The following CHD1 variants were observed in gnomAD, a reference collection of about 807,000 sequenced individuals.
The protein encoded by CHD1 is ATP-dependent chromatin remodeler CHD1.
CHD1 carries 36 observed loss-of-function variants against 224.2 expected under a neutral mutation model. The ratio of observed to expected loss-of-function variants is 0.16; its 90% CI spans 0.12 to 0.21. CHD1 has a LOEUF of 0.21. Ranked by LOEUF, CHD1 falls within the 10% of genes least tolerant of loss-of-function variation. CHD1 has a pLI of 1.00. For synonymous variants in CHD1, 668 were observed against 658.3 expected, an observed-to-expected ratio of 1.01 and a Z score of -0.23; for missense variants, 1,378 against 1,994.8, an observed-to-expected ratio of 0.69 and a Z score of 5.89.
chr5:98,922,463 C>G (rs1228398046), intron 2 of CHD1, among the ~76,000 whole-genome samples: 6 of 151,982 alleles, frequency 3.9e-5, no homozygotes, highest in Non-Finnish European at 7.4e-5. Context: ...GATCTCCAGA[C>G]AGAAAGAATA....
chr5:98,909,333 T>C (rs1752244517), intron 2 of CHD1, among the ~76,000 whole-genome samples: 1 of 152,160 alleles, frequency 6.6e-6, no homozygotes, highest in Non-Finnish European at 1.5e-5. Context: ...AGAGGCTTGA[T>C]CAGATTCAAA....
At chr5:98,903,444 A>T (rs184578490) in intron 4 of CHD1, among the ~76,000 whole-genome samples, 1 of 137,760 alleles carries the variant, frequency 7.3e-6, no homozygotes, top group African/African-American at 3.0e-5. Context: ...ATTATTTCGT[A>T]CAAATATGAT....
chr5:98,877,262 G>A (rs1489411804), intron 23 of CHD1, among the ~76,000 whole-genome samples: 1 of 152,162 alleles, frequency 6.6e-6, no homozygotes, highest in Non-Finnish European at 1.5e-5. Flanking sequence ...TAAAAATGGG[G>A]TTGTAGAATA....
chr5:98,898,187 T>C, intron 10 of CHD1, 69 bp downstream of exon 10: 1 of 871,920 alleles, frequency 1.1e-6, no homozygotes, highest in Non-Finnish European at 1.5e-6. Flanking sequence ...AACTCTTGTA[T>C]TTAGGCTTGT....
At chr5:98,902,286 C>T (rs935121493) in intron 5 of CHD1, among the ~76,000 whole-genome samples, 5 of 151,762 alleles carry the variant, frequency 3.3e-5, no homozygotes, top group African/African-American at 1.2e-4. Context: ...TACAAATCTT[C>T]GCATTAAAAA....
At chr5:98,900,663 A>G in intron 7 of CHD1, 148 bp downstream of exon 7, 1 of 656,416 alleles carries the variant, frequency 1.5e-6, no homozygotes, top group Non-Finnish European at 2.6e-6. Context: ...CTGGTCTAGA[A>G]CTCCTGACCT....
chr5:98,897,361 A>G (rs1015437339), intron 10 of CHD1, 41 bp from the exon 11 acceptor site: 4 of 1,333,350 alleles, frequency 3.0e-6, no homozygotes, highest in East Asian at 2.4e-5. Context: ...GTTATTAAAT[A>G]TAAGAAATTA....
chr5:98,869,610 GCACGTGCGCGCGCACACACACA>G, intron 30 of CHD1, 122 bp downstream of exon 30: 2 of 767,754 alleles, frequency 2.6e-6, no homozygotes, highest in Non-Finnish European at 4.0e-6. Flanking sequence ...AAGTGCGTGC[GCACGTGCGCGCGCACACACACA>G]CACACACACA....
intron 7 of CHD1, among the ~76,000 whole-genome samples, 170 bp downstream of exon 7, chr5:98,900,641 A>C (rs1042606799): frequency 3.9e-5 from 6 of 151,964 alleles, no homozygotes; most frequent in African/African-American, 1.5e-4. Flanking sequence ...GGGTTTTGCC[A>C]CGTTGGCCAG....
intron 11 of CHD1, among the ~76,000 whole-genome samples, chr5:98,896,857 T>C (rs531649706): frequency 7.0e-6 from 1 of 143,850 alleles, no homozygotes; most frequent in African/African-American, 2.5e-5. Context: ...CCATAGAAGA[T>C]AGAAAAAAAA....
chr5:98,864,352 T>A (rs1748694980), intron 31 of CHD1, among the ~76,000 whole-genome samples: 1 of 151,752 alleles, frequency 6.6e-6, no homozygotes, highest in Non-Finnish European at 1.5e-5. Context: ...TGGGTCAACA[T>A]CAGACAATGC....
At chr5:98,888,002 A>G (rs1213885990) in intron 17 of CHD1, 86 bp downstream of exon 17, 1 of 838,128 alleles carries the variant, frequency 1.2e-6, no homozygotes, top group Non-Finnish European at 1.7e-6. Context: ...AAACCTAAAC[A>G]CTTATAAAAT....
intron 28 of CHD1, 67 bp downstream of exon 28, chr5:98,871,984 A>T: frequency 7.2e-7 from 1 of 1,381,698 alleles, no homozygotes; most frequent in Non-Finnish European, 9.7e-7. Context: ...AACATAATTT[A>T]AAAGCAAGAA....
Position 98,894,588 on chromosome 5 carries a change from A to C in CHD1, c.1800+9T>G, listed in dbSNP as rs1751230300. ...AAGAGACCAAAACACGTGAGAAATAAATACATACCTTATCTTTTAATAAAA... is the reference window on the plus strand; with the variant it reads ...AAGAGACCAAAACACGTGAGAAATACATACATACCTTATCTTTTAATAAAA... On this transcript the variant is annotated intron_variant, in intron 13 of 35. Coordinates refer to ENST00000614616, the MANE Select transcript of CHD1 (RefSeq NM_001270.4). 8.9e-7 allele frequency: 1 copy of C among 1,118,696 alleles called. No homozygotes were observed. The highest frequency in any genetic ancestry group is 2.3e-5 in the Admixed American group (1 of 42,746). The allele number at this position is 1,118,696 out of a possible 1,614,324, so 69.3% of individuals were successfully genotyped here.
Position 98,869,332 on chromosome 5 carries a change from A to G in CHD1, c.4107+422T>C, listed in dbSNP as rs957398275. ...ACTAACCAAATTTTAACAACGACTAATTTTTCTTCATATGACTACAGATTG... is the reference window on the plus strand; with the variant it reads ...ACTAACCAAATTTTAACAACGACTAGTTTTTCTTCATATGACTACAGATTG... On this transcript the variant is annotated intron_variant, in intron 30 of 35. Transcript: ENST00000614616. 35 of 879,354 alleles carry G rather than the reference A, an allele frequency of 4.0e-5. No individual in the cohort carries two copies. In the African/African-American group the frequency reaches 6.2e-4, roughly 16 times the overall value. 54.5% of individuals were successfully genotyped at this position (879,354 alleles called of 1,614,324 possible). A position where few individuals can be genotyped will look rare whatever the true frequency, so the allele number is the denominator to read the frequency against.
intron 2 of CHD1, among the ~76,000 whole-genome samples, chr5:98,923,609 T>C (rs1180505888): frequency 1.3e-5 from 2 of 151,980 alleles, no homozygotes; most frequent in East Asian, 3.9e-4. Context: ...AGACAGGATT[T>C]CTCCATGTTG....
intron 2 of CHD1, among the ~76,000 whole-genome samples, chr5:98,924,429 G>A (rs1322336855): frequency 1.3e-5 from 2 of 152,132 alleles, no homozygotes; most frequent in African/African-American, 4.8e-5. Context: ...GAAACTTTAC[G>A]ATGCACTTTG....
chr5:98,857,192 T>C (rs1454459827), intron 35 of CHD1, among the ~76,000 whole-genome samples: 2 of 152,130 alleles, frequency 1.3e-5, no homozygotes, highest in Non-Finnish European at 2.9e-5. Flanking sequence ...AAAAGCTTCC[T>C]CAAGTTTGAC....
chr5:98,916,399 G>T (rs1752734417), intron 2 of CHD1, among the ~76,000 whole-genome samples: 1 of 151,314 alleles, frequency 6.6e-6, no homozygotes, highest in African/African-American at 2.4e-5. Flanking sequence ...TACAAAATTA[G>T]CCAGGTGTGG....
Sources: gnomAD v4.1 joint callset for allele counts (sites outside exome capture counted in the v4.1 genomes callset) on GRCh38, gnomAD v4.1.1 for gene constraint, MANE v1.5 for transcripts, NCBI Gene and HGNC (gene_info 2026-07-23, HGNC 2026-07-21) for gene names.